Variants in CHST6 observed in about 807,000 individuals in gnomAD.
CHST6 encodes the protein N-acetylglucosamine 6-O-sulfotransferase 5.
For synonymous variants in CHST6, 309 were observed against 276.4 expected, an observed-to-expected ratio of 1.12 and a Z score of -1.17; for missense variants, 698 against 586.2, an observed-to-expected ratio of 1.19 and a Z score of -1.97.
chr16:75,483,230 C>A (rs1033207668), intron 1 of CHST6, among the ~76,000 whole-genome samples: 1 of 152,196 alleles, frequency 6.6e-6, no homozygotes, highest in Non-Finnish European at 1.5e-5. Flanking sequence ...CTTCTCCCAC[C>A]TGTGATTGCT....
chr16:75,482,622 C>T lies in CHST6; in HGVS notation c.-91-731G>A, dbSNP rs140819597. On this transcript the variant is annotated intron_variant, in intron 1 of 2. Coordinates refer to ENST00000332272, the MANE Select transcript of CHST6 (RefSeq NM_021615.5). ...GCCAGCTTCCCGCATTCCAAGGTCC[C>T]AAAGTGTTCTTCTGTTTGCACCTGT... is the stretch of plus-strand genomic sequence containing the variant. Among the ~76,000 whole-genome samples, 1,172 of 152,278 alleles carry T rather than the reference C, an allele frequency of 7.7e-3. 18 individuals are homozygous for T. The highest frequency in any genetic ancestry group is 0.026 in the African/African-American group (1,079 of 41,536).
At position 75,474,261 on chromosome 16, in the gene CHST6, T is replaced by C. The variant is rs2080043645; in HGVS notation, c.*4380A>G. 1 of 247,782 alleles carries C rather than the reference T, an allele frequency of 4.0e-6. No homozygotes were observed. The highest frequency in any genetic ancestry group is 2.2e-5 in the African/African-American group (1 of 45,230). The allele number at this position is 247,782 out of a possible 1,614,324, so 15.3% of individuals were successfully genotyped here. The stretch of plus-strand genomic sequence containing the variant: ...TCTCTTAATCTGTTTTGTTTTGCTA[T>C]AACAATACCACAGATGGGGTCATTT... On this transcript the variant is annotated 3_prime_UTR_variant, in exon 3 of 3. Transcript: ENST00000332272.
intron 1 of CHST6, among the ~76,000 whole-genome samples, chr16:75,493,648 T>A (rs1337279941): frequency 6.6e-6 from 1 of 152,166 alleles, no homozygotes; most frequent in African/African-American, 2.4e-5. Flanking sequence ...TATGAGTATT[T>A]GCTTAGCAAT....
chr16:75,487,939 T>C (rs778225127), intron 1 of CHST6, among the ~76,000 whole-genome samples: 22 of 151,592 alleles, frequency 1.5e-4, no homozygotes, highest in Non-Finnish European at 2.9e-4. Context: ...GAGGTTGCAG[T>C]GAGCTCAGAT....
At chr16:75,487,752 T>G (rs1378124446) in intron 1 of CHST6, among the ~76,000 whole-genome samples, 2 of 141,754 alleles carry the variant, frequency 1.4e-5, no homozygotes, top group Non-Finnish European at 3.0e-5. Context: ...TGAGCTGAGA[T>G]CGTGCCACTG....
chr16:75,488,926 A>C (rs965385782), intron 1 of CHST6, among the ~76,000 whole-genome samples: 1 of 151,892 alleles, frequency 6.6e-6, no homozygotes, highest in African/African-American at 2.4e-5. Flanking sequence ...TAAAACATAA[A>C]GATGGAAGGT....
In CHST6 at chr16:75,473,876, A is replaced by C. The variant is rs1314335663; in HGVS notation, c.*4765T>G. The C allele has an allele frequency of 1.3e-5, 2 of 152,178 alleles. No individual in the cohort carries two copies. The highest frequency in any genetic ancestry group is 2.9e-5 in the Non-Finnish European group (2 of 68,044). 9.4% of individuals were successfully genotyped at this position (152,178 alleles called of 1,614,324 possible). A position where few individuals can be genotyped will look rare whatever the true frequency, so the allele number is the denominator to read the frequency against. On this transcript the variant is annotated 3_prime_UTR_variant, in exon 3 of 3. Coordinates refer to ENST00000332272, the MANE Select transcript of CHST6 (RefSeq NM_021615.5). Reference sequence around the variant, plus strand: ...CTGAGTGATGTTGGCTGCCTGTGTTAACAAACTGTTTTTCGCCAGGTACAG... The same window carrying C: ...CTGAGTGATGTTGGCTGCCTGTGTTCACAAACTGTTTTTCGCCAGGTACAG...
At position 75,480,879 on chromosome 16, in the gene CHST6, G is replaced by A. The variant is rs1255294789; in HGVS notation, c.-17+938C>T. 2.8e-5 allele frequency among the ~76,000 whole-genome samples: 4 copies of A among 143,714 alleles called. 1 individual carries two copies. The highest frequency in any genetic ancestry group is 6.0e-5 in the Non-Finnish European group (4 of 67,096). 94.3% of individuals were successfully genotyped at this position (143,714 alleles called of 152,430 possible). Reference sequence around the variant, plus strand: ...CGGGAGGCAGAGGTTGTAGTGAGACGAGATCGCGCCATTGCACTCCAGCCT... The same window carrying A: ...CGGGAGGCAGAGGTTGTAGTGAGACAAGATCGCGCCATTGCACTCCAGCCT... On this transcript the variant is annotated intron_variant, in intron 2 of 2. Coordinates refer to ENST00000332272, the MANE Select transcript of CHST6 (RefSeq NM_021615.5).
chr16:75,486,269 C>G (rs1008173236), intron 1 of CHST6, among the ~76,000 whole-genome samples: 2 of 152,224 alleles, frequency 1.3e-5, no homozygotes, highest in East Asian at 1.9e-4. Flanking sequence ...TGGTTTTTCG[C>G]AAGCGAACAC....
At chr16:75,484,330 C>T (rs2151669112) in intron 1 of CHST6, among the ~76,000 whole-genome samples, 1 of 152,150 alleles carries the variant, frequency 6.6e-6, no homozygotes, top group African/African-American at 2.4e-5. Context: ...GAGCGAGACT[C>T]CGTCTCAAAA....
Position 75,479,662 on chromosome 16 carries a change from A to C in CHST6, c.167T>G (p.Val56Gly). The C allele has an allele frequency of 6.2e-7, 1 of 1,612,570 alleles. No individual in the cohort carries two copies. The highest frequency in any genetic ancestry group is 1.1e-5 in the South Asian group (1 of 91,024). The change falls in exon 3 of 3, where the codon GTG becomes GGG. Residue 56 changes from valine (V) to glycine (G), a missense_variant. By Grantham distance (109) the Val-to-Gly change is moderately radical (BLOSUM62 -3). Transcript: ENST00000332272. The part of the protein sequence containing the change: ...LSSWRSGSSF[V>G]GQLFNQHPDV... Reference sequence around the variant, plus strand: ...GGGGTGCTGGTTGAAGAGTTGGCCCACGAAGGACGAGCCCGAGCGCCACGA... The same window carrying C: ...GGGGTGCTGGTTGAAGAGTTGGCCCCCGAAGGACGAGCCCGAGCGCCACGA...
intron 1 of CHST6, among the ~76,000 whole-genome samples, chr16:75,492,474 T>C (rs1207059541): frequency 6.6e-6 from 1 of 152,396 alleles, no homozygotes; most frequent in Admixed American, 6.5e-5. Flanking sequence ...TTATTAACCA[T>C]TTATTTTAAT....
intron 1 of CHST6, among the ~76,000 whole-genome samples, chr16:75,492,353 A>G (rs2080265639): frequency 6.6e-6 from 1 of 152,248 alleles, no homozygotes; most frequent in South Asian, 2.1e-4. Flanking sequence ...TCTTCTGTGC[A>G]GCAACACACA....
rs1464628083 is a variant in CHST6, at chr16:75,477,814, C to T, written c.*827G>A. The stretch of plus-strand genomic sequence containing the variant: ...CTTGGCAAGCCTGATGAGTTCCACT[C>T]CCCGCTGACGGGCACACCTGCCTTC... On this transcript the variant is annotated 3_prime_UTR_variant, in exon 3 of 3. Transcript: ENST00000332272. 6.5e-6 allele frequency: 1 copy of T among 152,948 alleles called. No individual in the cohort carries two copies. Among genetic ancestry groups the T allele is most frequent in the Non-Finnish European group, 1.5e-5 (1 of 68,634 alleles). 9.5% of individuals were successfully genotyped at this position (152,948 alleles called of 1,614,324 possible). A position where few individuals can be genotyped will look rare whatever the true frequency, so the allele number is the denominator to read the frequency against.
At chr16:75,493,518 A>G (rs75906887) in intron 1 of CHST6, among the ~76,000 whole-genome samples, 1 of 144,346 alleles carries the variant, frequency 6.9e-6, no homozygotes, top group African/African-American at 2.6e-5. Context: ...CTCCGTATCA[A>G]AAAAAAAAAA....
intron 1 of CHST6, among the ~76,000 whole-genome samples, chr16:75,485,432 A>G (rs1294416966): frequency 6.6e-6 from 1 of 152,132 alleles, no homozygotes; most frequent in Non-Finnish European, 1.5e-5. Context: ...TCTACTGCTC[A>G]CCAGCTTGGG....
In CHST6 at chr16:75,478,895, GTCCAGA is replaced by G. The variant is rs2080099536; in HGVS notation, c.928_933del (p.Ser310_Gly311del). The G allele has an allele frequency of 6.2e-7, 1 of 1,613,248 alleles. No homozygotes were observed. On this transcript the variant is annotated inframe_deletion, in exon 3 of 3. Coordinates refer to ENST00000332272, the MANE Select transcript of CHST6 (RefSeq NM_021615.5). ...TTGAAGGCTTCGCGGCGCGCACCAG[GTCCAGA>G]TCCGTGGGTGATGTTATGGATCCAG...
intron 1 of CHST6, among the ~76,000 whole-genome samples, chr16:75,491,175 AAAAAAAAAAAAAAAAATATAT>A (rs1248578120): frequency 2.1e-3 from 153 of 74,580 alleles, no homozygotes; most frequent in Admixed American, 5.9e-3. Flanking sequence ...TAAAAAAAAA[AAAAAAAAAAAAAAAAATATAT>A]ATATATATAT....
At chr16:75,481,162 G>C (rs1016216072) in intron 2 of CHST6, among the ~76,000 whole-genome samples, 13 of 152,000 alleles carry the variant, frequency 8.6e-5, no homozygotes, top group Non-Finnish European at 1.0e-4. Flanking sequence ...TGTGGTCCCT[G>C]CTATTCGGGA....
Sources: gnomAD v4.1 joint callset for allele counts (sites outside exome capture counted in the v4.1 genomes callset) on GRCh38, gnomAD v4.1.1 for gene constraint, MANE v1.5 for transcripts, NCBI Gene and HGNC (gene_info 2026-07-23, HGNC 2026-07-21) for gene names.